Variants in MAML3 observed in about 807,000 individuals in gnomAD.
MAML3 encodes mastermind like transcriptional coactivator 3.
Under a neutral mutation model 101.9 loss-of-function variants are expected in MAML3, and 27 were observed. The ratio of observed to expected loss-of-function variants is 0.27; its 90% confidence interval spans 0.20 to 0.37. The LOEUF (loss-of-function observed/expected upper bound fraction) is 0.37, where lower values mean the gene tolerates loss of function less well. Among genes scored for constraint, MAML3 ranks in the 10% least tolerant of loss-of-function variants. MAML3 has a pLI of 1.00. For missense variants in MAML3, 1,316 were observed against 1,444.9 expected (o/e 0.91, Z 1.45); for synonymous variants, 501 against 555.9 (o/e 0.90, Z 1.39).
chr4:140,116,752 C>T (rs994822338), intron 1 of MAML3, among the ~76,000 whole-genome samples: 1 of 152,206 alleles, frequency 6.6e-6, no homozygotes, highest in Non-Finnish European at 1.5e-5. Flanking sequence ...AAGCTAAACA[C>T]AGTCAACCCA....
chr4:139,764,520 T>C (rs1406921940), intron 2 of MAML3, among the ~76,000 whole-genome samples: 1 of 152,204 alleles, frequency 6.6e-6, no homozygotes, highest in Non-Finnish European at 1.5e-5. Flanking sequence ...CAAGTCTCAC[T>C]TGCCCTTTTG....
intron 1 of MAML3, among the ~76,000 whole-genome samples, chr4:140,007,133 T>G (rs2110853313): frequency 6.6e-6 from 1 of 152,338 alleles, no homozygotes; most frequent in Admixed American, 6.5e-5. Context: ...CAAGGATAGC[T>G]TATCGGCATT....
chr4:140,133,252 C>T (rs1016585328), intron 1 of MAML3: 1 of 335,012 alleles, frequency 3.0e-6, no homozygotes, highest in African/African-American at 2.1e-5. Flanking sequence ...CCTAAAACTA[C>T]AGTGGTCCTG....
chr4:139,827,796 T>C (rs1465012691), intron 2 of MAML3, among the ~76,000 whole-genome samples: 3 of 152,214 alleles, frequency 2.0e-5, no homozygotes, highest in African/African-American at 2.4e-5. Flanking sequence ...TAATAAAGAA[T>C]TGATGAGGAT....
At chr4:139,873,018 G>A (rs892091578) in intron 2 of MAML3, among the ~76,000 whole-genome samples, 3 of 152,124 alleles carry the variant, frequency 2.0e-5, no homozygotes, top group Admixed American at 6.5e-5. Context: ...GAAGGTAGAC[G>A]TTGCAGTGAG....
At chr4:139,926,138 C>T (rs757669107) in intron 1 of MAML3, among the ~76,000 whole-genome samples, 11 of 152,036 alleles carry the variant, frequency 7.2e-5, no homozygotes, top group Non-Finnish European at 1.6e-4. Flanking sequence ...TTTATTTGAC[C>T]TGAAGGAAAA....
chr4:140,152,909 T>C lies in MAML3; in HGVS notation c.419A>G (p.Gln140Arg), dbSNP rs371076397. Reference protein sequence around the residue: ...GKQQHPSKPQQDAEAASAEQR... With the variant: ...GKQQHPSKPQRDAEAASAEQR... ...CTCCGCCGAGGCAGCCTCCGCATCTTGCTGGGGTTTGCTCGGGTGCTGCTG... is the reference window on the plus strand; with the variant it reads ...CTCCGCCGAGGCAGCCTCCGCATCTCGCTGGGGTTTGCTCGGGTGCTGCTG... The change falls in exon 1 of 5, where the codon CAA (glutamine) becomes CGA (arginine). Residue 140 changes from glutamine (Q) to arginine (R), a missense_variant. Gln to Arg is a conservative substitution (Grantham distance 43, BLOSUM62 1). Coordinates refer to ENST00000509479, the MANE Select transcript of MAML3 (RefSeq NM_018717.5). The C allele has an allele frequency of 7.4e-6, 12 of 1,612,530 alleles. No individual in the cohort carries two copies. In the African/African-American group the frequency reaches 1.5e-4, roughly 20 times the overall value.
Position 140,122,346 on chromosome 4 carries a change from A to T in MAML3, c.468+30514T>A, listed in dbSNP as rs367635606. 3.4e-4 allele frequency among the ~76,000 whole-genome samples: 51 copies of T among 150,890 alleles called. 1 individual carries two copies. In the East Asian group the frequency reaches 7.9e-3, roughly 23 times the overall value. On this transcript the variant is annotated intron_variant, in intron 1 of 4. Transcript: ENST00000509479. ...AGCAATTCTCCTACCTCAGCCTCCC[A>T]AGTAGCTGGGATTACAGACCTGAAC... is the stretch of plus-strand genomic sequence containing the variant.
At chr4:139,955,321 TTTAC>T (rs1010859568) in intron 1 of MAML3, among the ~76,000 whole-genome samples, 1 of 130,434 alleles carries the variant, frequency 7.7e-6, no homozygotes, top group Non-Finnish European at 1.6e-5. Flanking sequence ...TAAGGAAAAC[TTTAC>T]TTTTTTTTTT....
At chr4:139,762,671 G>A (rs1432940084) in intron 2 of MAML3, among the ~76,000 whole-genome samples, 1 of 152,142 alleles carries the variant, frequency 6.6e-6, no homozygotes, top group Non-Finnish European at 1.5e-5. Context: ...AGGCCTCCTC[G>A]AGAAAGTATG....
intron 1 of MAML3, among the ~76,000 whole-genome samples, chr4:140,129,208 A>G (rs1395853170): frequency 1.3e-5 from 2 of 152,180 alleles, no homozygotes; most frequent in Non-Finnish European, 2.9e-5. Context: ...CACTCAGAAA[A>G]TGTGAGCTGT....
At chr4:139,813,705 T>C (rs1297439119) in intron 2 of MAML3, among the ~76,000 whole-genome samples, 4 of 152,112 alleles carry the variant, frequency 2.6e-5, no homozygotes, top group Non-Finnish European at 5.9e-5. Context: ...ATCCATGAAC[T>C]GGGTCCCCAC....
At chr4:140,003,784 C>T (rs949495177) in intron 1 of MAML3, among the ~76,000 whole-genome samples, 25 of 152,172 alleles carry the variant, frequency 1.6e-4, no homozygotes, top group African/African-American at 6.0e-4. Context: ...CCCAAAACAT[C>T]CCTTAAGTTC....
chr4:139,885,895 T>G (rs1431201853), intron 2 of MAML3, among the ~76,000 whole-genome samples: 2 of 110,252 alleles, frequency 1.8e-5, no homozygotes, highest in African/African-American at 6.9e-5. Flanking sequence ...ATCGCGCCAC[T>G]GCACTCCAGC....
intron 1 of MAML3, among the ~76,000 whole-genome samples, chr4:139,924,122 T>G (rs1249579828): frequency 1.3e-5 from 2 of 152,234 alleles, no homozygotes; most frequent in Non-Finnish European, 2.9e-5. Context: ...CTTCAACCTA[T>G]TACTCTCTTT....
intron 2 of MAML3, among the ~76,000 whole-genome samples, chr4:139,866,140 A>C (rs1045181917): frequency 6.6e-6 from 1 of 152,264 alleles, no homozygotes; most frequent in Non-Finnish European, 1.5e-5. Context: ...ATTCTACATC[A>C]AACTGGCCTT....
chr4:139,998,829 C>T (rs1019775823), intron 1 of MAML3, among the ~76,000 whole-genome samples: 2 of 151,894 alleles, frequency 1.3e-5, no homozygotes, highest in African/African-American at 4.8e-5. Context: ...TCTTCTCAGC[C>T]TTTAAAAAAA....
intron 2 of MAML3, among the ~76,000 whole-genome samples, chr4:139,827,585 A>AT (rs1386060690): frequency 1.3e-5 from 2 of 152,166 alleles, no homozygotes; most frequent in Admixed American, 6.5e-5. Context: ...CCCAGAGTCA[A>AT]TTTTTTTCCA....
intron 1 of MAML3, among the ~76,000 whole-genome samples, chr4:139,995,233 T>C (rs1734784860): frequency 6.6e-6 from 1 of 152,262 alleles, no homozygotes; most frequent in East Asian, 1.9e-4. Flanking sequence ...CAACTTTACA[T>C]TAATGGGATA....
Sources: allele counts gnomAD v4.1 joint callset (sites outside exome capture counted in the v4.1 genomes callset), GRCh38; gene constraint gnomAD v4.1.1; transcripts MANE v1.5; gene names NCBI Gene and HGNC (gene_info 2026-07-23, HGNC 2026-07-21).